FER: variants seen among roughly 807,000 people sequenced by gnomAD.
The protein encoded by FER is tyrosine-protein kinase Fer.
In FER, 63 loss-of-function variants were observed where a neutral mutation model predicts 111.0. The ratio of observed to expected loss-of-function variants is 0.57; its 90% CI spans 0.46 to 0.70. The LOEUF is 0.70. Among genes scored for constraint, FER ranks in the 30% least tolerant of loss-of-function variants. The probability of loss-of-function intolerance (pLI) is 0.00; values close to 1 mark genes in which losing one functional copy is unlikely to be tolerated. For missense variants in FER, 914 were observed against 954.0 expected (o/e 0.96, Z 0.55); for synonymous variants, 327 against 313.9 (o/e 1.04, Z -0.44).
At chr5:108,889,462 T>C (rs963348514) in intron 9 of FER, among the ~76,000 whole-genome samples, 3 of 152,044 alleles carry the variant, frequency 2.0e-5, no homozygotes, top group East Asian at 1.9e-4. Context: ...AGACAAACTT[T>C]GCATGTTCTT....
intron 13 of FER, among the ~76,000 whole-genome samples, chr5:109,006,296 A>G (rs983259412): frequency 6.6e-6 from 1 of 152,200 alleles, no homozygotes; most frequent in Admixed American, 6.5e-5. Flanking sequence ...TGTGGGAGGT[A>G]TCTGGCGGAG....
intron 17 of FER, among the ~76,000 whole-genome samples, chr5:109,170,319 A>G (rs1326748860): frequency 1.3e-5 from 2 of 152,230 alleles, no homozygotes; most frequent in Non-Finnish European, 2.9e-5. Context: ...AATAGTTCCC[A>G]GGAACAAAAT....
intron 3 of FER, among the ~76,000 whole-genome samples, chr5:108,804,682 G>A (rs1329324334): frequency 6.6e-6 from 1 of 152,154 alleles, no homozygotes; most frequent in Non-Finnish European, 1.5e-5. Flanking sequence ...CAGGAATGAA[G>A]CCTATTGGAT....
chr5:108,822,766 TA>T (rs1759026272), intron 3 of FER, among the ~76,000 whole-genome samples: 3 of 149,082 alleles, frequency 2.0e-5, no homozygotes, highest in African/African-American at 5.0e-5. Context: ...TTATTTTATT[TA>T]TTTTATTTTA....
intron 17 of FER, among the ~76,000 whole-genome samples, chr5:109,168,681 A>G (rs1329349880): frequency 2.0e-5 from 3 of 152,194 alleles, no homozygotes; most frequent in African/African-American, 7.2e-5. Flanking sequence ...TAAAAGGCCT[A>G]CTACCTAACA....
chr5:109,012,729 C>T (rs887701170), intron 13 of FER, among the ~76,000 whole-genome samples: 2 of 152,104 alleles, frequency 1.3e-5, no homozygotes, highest in African/African-American at 4.8e-5. Context: ...AGCATAACTG[C>T]TAATTACAGT....
intron 13 of FER, among the ~76,000 whole-genome samples, chr5:108,982,010 T>C (rs1301010746): frequency 6.6e-6 from 1 of 152,144 alleles, no homozygotes; most frequent in Non-Finnish European, 1.5e-5. Flanking sequence ...CTTTTACTTA[T>C]AGACCTCCCT....
At chr5:109,133,338 A>G (rs771552686) in intron 17 of FER, among the ~76,000 whole-genome samples, 4 of 152,214 alleles carry the variant, frequency 2.6e-5, no homozygotes, top group Non-Finnish European at 5.9e-5. Context: ...TGTCTGAACT[A>G]TTAAAATTCA....
chr5:109,052,644 C>G (rs909781747), intron 16 of FER, among the ~76,000 whole-genome samples: 5 of 152,186 alleles, frequency 3.3e-5, no homozygotes, highest in Non-Finnish European at 7.3e-5. Context: ...AGTGCTGATA[C>G]CTCGTAAAAG....
chr5:108,889,581 A>C (rs1312115293), intron 9 of FER, among the ~76,000 whole-genome samples: 1 of 151,930 alleles, frequency 6.6e-6, no homozygotes, highest in Non-Finnish European at 1.5e-5. Flanking sequence ...GGGCAAATGA[A>C]TGAGACCTGA....
chr5:108,820,002 A>G (rs1035226883), intron 3 of FER: 7 of 985,412 alleles, frequency 7.1e-6, no homozygotes, highest in Non-Finnish European at 8.4e-6. Context: ...TACAGGAAAT[A>G]GAAAATAACA....
intron 3 of FER, among the ~76,000 whole-genome samples, chr5:108,802,416 A>AT (rs1420253077): frequency 6.6e-6 from 1 of 152,162 alleles, no homozygotes; most frequent in Non-Finnish European, 1.5e-5. Context: ...ACCTGGATAT[A>AT]TTGTGTGATG....
intron 13 of FER, among the ~76,000 whole-genome samples, chr5:109,004,539 A>C (rs910322185): frequency 2.0e-5 from 3 of 152,246 alleles, no homozygotes; most frequent in Non-Finnish European, 4.4e-5. Context: ...CCTATTAAAA[A>C]TAAGTGTTTG....
At chr5:108,966,538 C>T (rs966206619) in intron 13 of FER, among the ~76,000 whole-genome samples, 2 of 151,838 alleles carry the variant, frequency 1.3e-5, no homozygotes, top group African/African-American at 4.8e-5. Context: ...CAGGCACGTG[C>T]CACCACGCCG....
chr5:109,032,608 G>A (rs1769799039), intron 13 of FER, among the ~76,000 whole-genome samples: 1 of 152,000 alleles, frequency 6.6e-6, no homozygotes, highest in Admixed American at 6.6e-5. Flanking sequence ...TCCCCAGAAG[G>A]GCAGTTAATC....
At chr5:108,749,096 G>A (rs980070715) in intron 1 of FER, 2 of 152,308 alleles carry the variant, frequency 1.3e-5, no homozygotes, top group African/African-American at 2.4e-5. Context: ...GGGCAACAAT[G>A]CCTGCCCGCA....
At chr5:109,116,943 TTTTAAG>T (rs1246470418) in intron 17 of FER, among the ~76,000 whole-genome samples, 1 of 152,130 alleles carries the variant, frequency 6.6e-6, no homozygotes, top group Non-Finnish European at 1.5e-5. Context: ...TGAATAGAAT[TTTTAAG>T]TTTATGATTT....
At chr5:108,922,768 C>T (rs1456728148) in intron 10 of FER, among the ~76,000 whole-genome samples, 1 of 152,056 alleles carries the variant, frequency 6.6e-6, no homozygotes, top group African/African-American at 2.4e-5. Context: ...TACTGGGAAA[C>T]TATACGCATT....
At chr5:108,856,417 T>C (rs1763014194) in intron 5 of FER, among the ~76,000 whole-genome samples, 1 of 152,318 alleles carries the variant, frequency 6.6e-6, no homozygotes, top group East Asian at 1.9e-4. Context: ...ATGCATAACA[T>C]GTAGCTTTTA....
Sources: allele counts gnomAD v4.1 joint callset (sites outside exome capture counted in the v4.1 genomes callset), GRCh38; gene constraint gnomAD v4.1.1; transcripts MANE v1.5; gene names NCBI Gene and HGNC (gene_info 2026-07-23, HGNC 2026-07-21).